SYNE2: variants seen among roughly 807,000 people sequenced by gnomAD.
SYNE2 encodes spectrin repeat containing nuclear envelope protein 2, also known as nesprin-2.
Under a neutral mutation model 856.3 loss-of-function variants are expected in SYNE2, and 431 were observed. That is an observed-to-expected ratio of 0.50 (90% CI 0.47 to 0.55). The LOEUF is 0.55. SYNE2 is among the 20% of genes least tolerant of loss of function. The pLI, the probability that SYNE2 is intolerant of heterozygous loss-of-function variation, is 0.00. For synonymous variants in SYNE2, 2,923 were observed against 2,872.3 expected (o/e 1.02, Z -0.56); for missense variants, 8,129 against 8,023.2 (o/e 1.01, Z -0.50).
At position 64,035,808 on chromosome 14, in the gene SYNE2, C is replaced by T. The variant is rs1334532403; in HGVS notation, c.7221+4451C>T. Among the ~76,000 whole-genome samples, 3 of 151,838 alleles carry T rather than the reference C, an allele frequency of 2.0e-5. No individual in the cohort carries two copies. In the East Asian group the frequency reaches 5.8e-4, roughly 29 times the overall value. On this transcript the variant is annotated intron_variant, in intron 45 of 115. Transcript: ENST00000555002. ...TTCCTAACCCTAAGCCATCCTCCTG[C>T]CTTAGCCTCCTGAGTAGTAGGACTC...
At chr14:63,935,568 T>C (rs1321407316) in intron 2 of SYNE2, among the ~76,000 whole-genome samples, 1 of 152,210 alleles carries the variant, frequency 6.6e-6, no homozygotes, top group Non-Finnish European at 1.5e-5. Context: ...TCACTATGAC[T>C]ATTAGATAGA....
At chr14:63,912,290 C>T (rs1253184283) in intron 2 of SYNE2, among the ~76,000 whole-genome samples, 3 of 151,930 alleles carry the variant, frequency 2.0e-5, no homozygotes, top group African/African-American at 7.3e-5. Flanking sequence ...AAGGCAGACA[C>T]TTGTATATAT....
chr14:64,186,312 C>G (rs563486635), intron 96 of SYNE2, 112 bp from the exon 97 acceptor site: 606 of 1,416,494 alleles, frequency 4.3e-4, no homozygotes, highest in Admixed American at 6.5e-4. Flanking sequence ...GTCCCTCCCT[C>G]TCTCCTGGCC....
chr14:64,151,840 A>G (rs1331145518), intron 84 of SYNE2, among the ~76,000 whole-genome samples: 2 of 152,206 alleles, frequency 1.3e-5, no homozygotes, highest in Non-Finnish European at 2.9e-5. Flanking sequence ...TAAAAAGTTT[A>G]AACTTTTTCC....
intron 63 of SYNE2, 124 bp downstream of exon 63, chr14:64,098,945 T>A (rs950463707): frequency 3.1e-6 from 3 of 981,148 alleles, no homozygotes; most frequent in Non-Finnish European, 3.1e-6. Context: ...ATTTTAAAAG[T>A]ATGATTGAAG....
At chr14:64,039,364 C>CA (rs2097129576) in intron 45 of SYNE2, among the ~76,000 whole-genome samples, 1 of 152,120 alleles carries the variant, frequency 6.6e-6, no homozygotes, top group Non-Finnish European at 1.5e-5. Flanking sequence ...ACATGTTGGC[C>CA]AAGCTGGAGA....
chr14:64,209,686 C>G, intron 102 of SYNE2, 108 bp downstream of exon 102: 1 of 1,495,784 alleles, frequency 6.7e-7, no homozygotes, highest in Non-Finnish European at 9.1e-7. Flanking sequence ...TCACCTCTGG[C>G]AAGGGCTGCC....
At chr14:63,841,648 A>G (rs941071099) in intron 1 of SYNE2, among the ~76,000 whole-genome samples, 1 of 152,220 alleles carries the variant, frequency 6.6e-6, no homozygotes, top group Non-Finnish European at 1.5e-5. Flanking sequence ...AGCCACATGA[A>G]CAGAGTACAT....
intron 53 of SYNE2, chr14:64,075,655 A>G: frequency 2.9e-6 from 1 of 346,348 alleles, no homozygotes; most frequent in South Asian, 3.0e-5. Flanking sequence ...CAATGGAGAT[A>G]CAATTAAATC....
intron 34 of SYNE2, 25 bp from the exon 35 acceptor site, chr14:64,019,967 T>C: frequency 6.8e-7 from 1 of 1,461,704 alleles, no homozygotes; most frequent in Non-Finnish European, 9.6e-7. Context: ...AAAAAGACAC[T>C]ATCCTTTAAA....
chr14:63,815,150 A>AT (rs1888888972), intron 1 of SYNE2, among the ~76,000 whole-genome samples: 1 of 73,084 alleles, frequency 1.4e-5, no homozygotes, highest in African/African-American at 4.8e-5. Context: ...ATATATACAC[A>AT]TATATATCCA....
intron 1 of SYNE2, among the ~76,000 whole-genome samples, chr14:63,769,473 T>C (rs12880341): frequency 0.23 from 35,088 of 151,846 alleles, 4,957 homozygotes; most frequent in African/African-American, 0.4. Flanking sequence ...CGAGACCATC[T>C]TGGCTAACAT....
At chr14:64,131,756 C>G (rs543110906) in intron 76 of SYNE2, among the ~76,000 whole-genome samples, 65 of 152,114 alleles carry the variant, frequency 4.3e-4, no homozygotes, top group African/African-American at 1.5e-3. Context: ...TGGCATCTAT[C>G]TTTTTGTAGC....
At chr14:63,818,192 G>A (rs762991615) in intron 1 of SYNE2, among the ~76,000 whole-genome samples, 7 of 151,794 alleles carry the variant, frequency 4.6e-5, no homozygotes, top group Admixed American at 3.3e-4. Context: ...AAAATTAGCT[G>A]GGCATGGTGG....
intron 25 of SYNE2, among the ~76,000 whole-genome samples, chr14:63,997,755 CT>C (rs2096724474): frequency 6.6e-6 from 1 of 152,156 alleles, no homozygotes; most frequent in Non-Finnish European, 1.5e-5. Context: ...TATCATTTGC[CT>C]TTTCTTCTGC....
chr14:64,081,343 T>C, intron 56 of SYNE2, 100 bp from the exon 57 acceptor site: 1 of 1,493,948 alleles, frequency 6.7e-7, no homozygotes, highest in Admixed American at 1.7e-5. Context: ...CTGCAAGGCC[T>C]GACACACCCC....
intron 65 of SYNE2, among the ~76,000 whole-genome samples, chr14:64,112,831 T>C (rs116764548): frequency 6.6e-6 from 1 of 152,370 alleles, no homozygotes; most frequent in African/African-American, 2.4e-5. Flanking sequence ...AGCTAAAATT[T>C]TTATAATCTA....
intron 66 of SYNE2, among the ~76,000 whole-genome samples, chr14:64,116,420 T>A (rs2097854275): frequency 6.6e-6 from 1 of 152,180 alleles, no homozygotes. Flanking sequence ...GAGTTAAAAG[T>A]ACCATTACTT....
chr14:63,912,072 G>A (rs548820019), intron 2 of SYNE2, among the ~76,000 whole-genome samples: 38 of 152,256 alleles, frequency 2.5e-4, no homozygotes, highest in African/African-American at 8.4e-4. Flanking sequence ...ATAATGTCAA[G>A]GTGACGCTGG....
Sources: allele counts gnomAD v4.1 joint callset (sites outside exome capture counted in the v4.1 genomes callset), GRCh38; gene constraint gnomAD v4.1.1; transcripts MANE v1.5; gene names NCBI Gene and HGNC (gene_info 2026-07-23, HGNC 2026-07-21).